The following MCTP1 variants were observed in gnomAD, a reference collection of about 807,000 sequenced individuals.
MCTP1 encodes the protein multiple C2 and transmembrane domain containing 1.
MCTP1 carries 69 observed loss-of-function variants against 120.6 expected under a neutral mutation model. That is an observed-to-expected ratio of 0.57 (90% CI 0.47 to 0.70). The LOEUF is 0.70. Among genes scored for constraint, MCTP1 ranks in the 30% least tolerant of loss-of-function variants. The pLI is 0.00. For synonymous variants in MCTP1, 529 were observed against 493.1 expected, an observed-to-expected ratio of 1.07 and a Z score of -0.96; for missense variants, 1,203 against 1,248.8, an observed-to-expected ratio of 0.96 and a Z score of 0.55.
At chr5:94,998,767 TA>T (rs1833094938) in intron 2 of MCTP1, among the ~76,000 whole-genome samples, 1 of 152,200 alleles carries the variant, frequency 6.6e-6, no homozygotes, top group African/African-American at 2.4e-5. Flanking sequence ...ATTTTAATGT[TA>T]AAACCCCTCC....
intron 1 of MCTP1, among the ~76,000 whole-genome samples, chr5:95,171,703 G>T (rs1050145464): frequency 4.0e-5 from 6 of 151,776 alleles, no homozygotes; most frequent in Admixed American, 3.9e-4. Flanking sequence ...TGATCGAATC[G>T]GTTACTGAAG....
chr5:94,722,533 A>G (rs1761151494), intron 19 of MCTP1, among the ~76,000 whole-genome samples: 1 of 152,216 alleles, frequency 6.6e-6, no homozygotes, highest in African/African-American at 2.4e-5. Flanking sequence ...TCTTCAGAGA[A>G]AGGGAGAGCT....
intron 1 of MCTP1, among the ~76,000 whole-genome samples, chr5:95,244,961 A>C (rs920803117): frequency 2.0e-5 from 3 of 152,138 alleles, no homozygotes; most frequent in Non-Finnish European, 4.4e-5. Flanking sequence ...CCCCTCTGGG[A>C]TGAAGCTTCC....
At chr5:94,715,386 AAAAC>A (rs1371562992) in intron 19 of MCTP1, among the ~76,000 whole-genome samples, 2,468 of 147,998 alleles carry the variant, frequency 0.017, 26 homozygotes, top group Non-Finnish European at 0.027. Flanking sequence ...AAAAAAAAAA[AAAAC>A]ACCACCACCA....
intron 1 of MCTP1, among the ~76,000 whole-genome samples, chr5:95,120,847 A>G (rs1374481034): frequency 6.6e-6 from 1 of 152,218 alleles, no homozygotes; most frequent in Non-Finnish European, 1.5e-5. Flanking sequence ...CAGTCAGACC[A>G]GAGAAAGAAA....
chr5:94,779,056 T>A lies in MCTP1; in HGVS notation c.2610+54A>T, dbSNP rs139005837. ...TTTTTAACTGTCTGTGAAAACAGTG[T>A]CATGTCTACATTTCCCCATCCCCAG... On this transcript the variant is annotated intron_variant, in intron 19 of 22. Coordinates refer to ENST00000515393, the MANE Select transcript of MCTP1 (RefSeq NM_024717.7). 3.6e-5 allele frequency: 53 copies of A among 1,468,508 alleles called. No homozygotes were observed. In the African/African-American group the frequency reaches 6.4e-4, roughly 18 times the overall value. 91.0% of individuals were successfully genotyped at this position (1,468,508 alleles called of 1,614,324 possible). A position where few individuals can be genotyped will look rare whatever the true frequency, so the allele number is the denominator to read the frequency against.
intron 2 of MCTP1, among the ~76,000 whole-genome samples, chr5:94,960,638 T>C (rs1457872322): frequency 3.3e-5 from 5 of 152,170 alleles, no homozygotes; most frequent in Non-Finnish European, 5.9e-5. Flanking sequence ...AAAGAAGACA[T>C]TGACGTGGCC....
intron 2 of MCTP1, among the ~76,000 whole-genome samples, chr5:94,960,622 T>C (rs1224322161): frequency 6.6e-6 from 1 of 152,158 alleles, no homozygotes; most frequent in Non-Finnish European, 1.5e-5. Flanking sequence ...GAACAGATAC[T>C]TTTCAAAAGA....
At chr5:94,796,845 T>C (rs1218882749) in intron 18 of MCTP1, among the ~76,000 whole-genome samples, 1 of 151,752 alleles carries the variant, frequency 6.6e-6, no homozygotes, top group Non-Finnish European at 1.5e-5. Flanking sequence ...TGATTGCTGC[T>C]CTGGTGCCTA....
At chr5:95,210,764 T>C (rs1285230126) in intron 1 of MCTP1, among the ~76,000 whole-genome samples, 1 of 152,176 alleles carries the variant, frequency 6.6e-6, no homozygotes, top group African/African-American at 2.4e-5. Flanking sequence ...AGTTTCTTCC[T>C]AGTCTCGATG....
intron 1 of MCTP1, among the ~76,000 whole-genome samples, chr5:95,171,697 C>T (rs1043362883): frequency 6.6e-6 from 1 of 152,092 alleles, no homozygotes; most frequent in African/African-American, 2.4e-5. Context: ...TCCAGTTGAT[C>T]GAATCGGTTA....
chr5:94,923,741 C>T (rs909917512), intron 7 of MCTP1, among the ~76,000 whole-genome samples: 2 of 152,088 alleles, frequency 1.3e-5, no homozygotes, highest in African/African-American at 4.8e-5. Context: ...CATAAAATGA[C>T]TTCAAAGAAA....
chr5:95,253,290 G>A (rs572104710), intron 1 of MCTP1, among the ~76,000 whole-genome samples: 2 of 152,038 alleles, frequency 1.3e-5, no homozygotes, highest in South Asian at 2.1e-4. Context: ...ATTCATAACC[G>A]TACAAGAATT....
In MCTP1 at chr5:95,284,261, C is replaced by T. The variant is rs1760572050; in HGVS notation, c.315G>A (p.Glu105=). 1 of 1,591,694 alleles carries T rather than the reference C, an allele frequency of 6.3e-7. No individual in the cohort carries two copies. Among genetic ancestry groups the T allele is most frequent in the Admixed American group, 1.7e-5 (1 of 59,056 alleles). The part of the protein sequence containing the change: ...SQPNLCCSSP[E]PLEPGGAGRA... ...TGCCGGCGCCGCCGGGCTCCAGGGG[C>T]TCCGGCGACGAGCAGCACAGGTTGG... Residue 105 remains glutamate (E), a synonymous_variant, in exon 1 of 23, where the codon GAG becomes GAA. Coordinates refer to ENST00000515393, the MANE Select transcript of MCTP1 (RefSeq NM_024717.7). The surrounding 1 kb of genome is among the most constrained non-coding windows in gnomAD (Gnocchi z 5.2).
rs370198997 is a variant in MCTP1, at chr5:94,707,489, G to C, written c.*7C>G. ...CAGATGCTGGTCTCCTCAGTGCTGGGAGCTGGCTAGCCAAGATTGTTTTTC... is the reference window on the plus strand; with the variant it reads ...CAGATGCTGGTCTCCTCAGTGCTGGCAGCTGGCTAGCCAAGATTGTTTTTC... On this transcript the variant is annotated 3_prime_UTR_variant, in exon 23 of 23. Transcript: ENST00000515393. The C allele has an allele frequency of 6.2e-7, 1 of 1,609,084 alleles. No individual in the cohort carries two copies. The highest frequency in any genetic ancestry group is 8.5e-7 in the Non-Finnish European group (1 of 1,176,094).
At chr5:95,270,345 C>T (rs1195550819) in intron 1 of MCTP1, among the ~76,000 whole-genome samples, 2 of 152,182 alleles carry the variant, frequency 1.3e-5, no homozygotes, top group African/African-American at 4.8e-5. Flanking sequence ...TCAGTTTCCT[C>T]ATTTGTAAAA....
intron 10 of MCTP1, among the ~76,000 whole-genome samples, chr5:94,896,183 A>T (rs1043180087): frequency 3.3e-5 from 5 of 152,172 alleles, no homozygotes; most frequent in African/African-American, 9.7e-5. Context: ...GAGGTTAAAA[A>T]TTTTCACAGT....
intron 1 of MCTP1, among the ~76,000 whole-genome samples, chr5:95,049,135 A>C (rs1562075266): frequency 6.6e-6 from 1 of 152,252 alleles, no homozygotes; most frequent in East Asian, 1.9e-4. Context: ...CCAGAGTCTT[A>C]CTTTCCTCAC....
intron 19 of MCTP1, among the ~76,000 whole-genome samples, chr5:94,755,053 G>A (rs1396668938): frequency 6.6e-6 from 1 of 152,276 alleles, no homozygotes; most frequent in East Asian, 1.9e-4. Flanking sequence ...TTGGGCATTT[G>A]TCCATTTGGC....
Sources: gnomAD v4.1 joint callset for allele counts (sites outside exome capture counted in the v4.1 genomes callset) on GRCh38, gnomAD v4.1.1 for gene constraint, Gnocchi (gnomAD v3.1) non-coding constraint, MANE v1.5 for transcripts, NCBI Gene and HGNC (gene_info 2026-07-23, HGNC 2026-07-21) for gene names.